Variants in RBFOX2 observed in about 807,000 individuals in gnomAD.
RBFOX2 encodes RNA binding protein fox-1 homolog 2.
In RBFOX2, 10 loss-of-function variants were observed where a neutral mutation model predicts 49.1. That is an observed-to-expected ratio of 0.20 (90% CI 0.13 to 0.35). The LOEUF (loss-of-function observed/expected upper bound fraction) is 0.35. RBFOX2 is among the 10% of genes least tolerant of loss of function. RBFOX2 has a pLI of 1.00. For missense variants in RBFOX2, 323 were observed against 486.9 expected (o/e 0.66, Z 3.17); for synonymous variants, 183 against 187.4 (o/e 0.98, Z 0.19).
intron 1 of RBFOX2, among the ~76,000 whole-genome samples, chr22:35,882,951 G>T (rs1012054582): frequency 6.6e-6 from 1 of 152,112 alleles, no homozygotes; most frequent in Non-Finnish European, 1.5e-5. Flanking sequence ...TCACTAAATG[G>T]CATAACTTTT....
rs572117154 is a variant in RBFOX2, at chr22:35,975,640, TG to T, written c.187-36744del. ...GGGAGTCAGTATTTTCAAAGCTAAT[TG>T]TAACAAGCAAAATTCAGATCTATGA... On this transcript the variant is annotated intron_variant, in intron 1 of 13. Transcript: ENST00000438146. Among the ~76,000 whole-genome samples, 175 of 152,268 alleles carry T rather than the reference TG, an allele frequency of 1.1e-3. 1 individual carries two copies. Among genetic ancestry groups the T allele is most frequent in the African/African-American group, 3.9e-3 (163 of 41,562 alleles).
At chr22:35,757,115 C>CTGGG (rs1220739400) in intron 9 of RBFOX2, among the ~76,000 whole-genome samples, 6 of 151,686 alleles carry the variant, frequency 4.0e-5, no homozygotes, top group Non-Finnish European at 8.8e-5. Flanking sequence ...CAAAGATCAC[C>CTGGG]CTGTCTTATT....
At chr22:35,746,584 C>A in intron 9 of RBFOX2, 23 bp from the exon 12 acceptor site, 1 of 1,463,440 alleles carries the variant, frequency 6.8e-7, no homozygotes, top group East Asian at 2.4e-5. Context: ...AGAGAACTGA[C>A]TTTACAGATA....
rs577677705 is a variant in RBFOX2, at chr22:35,938,035, G to GT, written c.-34+811dup. On this transcript the variant is annotated intron_variant, in intron 1 of 13. Coordinates refer to the RBFOX2 transcript ENST00000359369. Reference sequence around the variant, plus strand: ...AATGGTAGCTTTTTTTGACAACCCTGTAAGGAATAATGGCATTCCAAGATA... The same window carrying GT: ...AATGGTAGCTTTTTTTGACAACCCTGTTAAGGAATAATGGCATTCCAAGATA... Among the ~76,000 whole-genome samples the GT allele has an allele frequency of 2.6e-3, 396 of 152,242 alleles. 4 individuals carry two copies. Among genetic ancestry groups the GT allele is most frequent in the African/African-American group, 9.3e-3 (387 of 41,546 alleles).
At chr22:35,837,398 C>A (rs1350022675) in intron 1 of RBFOX2, among the ~76,000 whole-genome samples, 3 of 152,076 alleles carry the variant, frequency 2.0e-5, no homozygotes, top group African/African-American at 7.2e-5. Flanking sequence ...ACTTTGAAAA[C>A]CCAGGCCTAA....
At chr22:35,766,103 T>C (rs548211433) in intron 5 of RBFOX2, among the ~76,000 whole-genome samples, 24 of 152,346 alleles carry the variant, frequency 1.6e-4, no homozygotes, top group South Asian at 4.1e-4. Context: ...CTTAAAAGAA[T>C]TGAGAAAATA....
chr22:35,849,312 C>A (rs977944286), intron 1 of RBFOX2, among the ~76,000 whole-genome samples: 2 of 151,358 alleles, frequency 1.3e-5, no homozygotes, highest in East Asian at 3.9e-4. Context: ...CACACACACA[C>A]ACACACACAC....
chr22:35,843,987 C>T (rs1226912261), upstream of RBFOX2, among the ~76,000 whole-genome samples: 1 of 152,190 alleles, frequency 6.6e-6, no homozygotes, highest in African/African-American at 2.4e-5. Context: ...CTGACGGCTC[C>T]CACATTTCTA....
At chr22:35,832,984 C>G (rs1957066385) in intron 1 of RBFOX2, among the ~76,000 whole-genome samples, 1 of 152,122 alleles carries the variant, frequency 6.6e-6, no homozygotes, top group Non-Finnish European at 1.5e-5. Context: ...TATTTGAGGT[C>G]ATGGGTATCC....
At chr22:35,775,897 C>T (rs1176350690) in intron 4 of RBFOX2, among the ~76,000 whole-genome samples, 1 of 146,054 alleles carries the variant, frequency 6.8e-6, no homozygotes, top group Non-Finnish European at 1.5e-5. Flanking sequence ...TGGTAGCAGG[C>T]AAATCCTTAA....
At chr22:35,995,785 T>C in intron 1 of RBFOX2, 1 of 153,164 alleles carries the variant, frequency 6.5e-6, no homozygotes. Flanking sequence ...ATCTCTTTTC[T>C]TCATAAATTA....
intron 1 of RBFOX2, among the ~76,000 whole-genome samples, chr22:35,955,651 A>G (rs1390598615): frequency 2.6e-5 from 4 of 152,028 alleles, no homozygotes; most frequent in Non-Finnish European, 5.9e-5. Flanking sequence ...CGCAGTTCAC[A>G]GTAGGGTATG....
At chr22:36,026,539 CAT>C (rs1163792245) in intron 1 of RBFOX2, among the ~76,000 whole-genome samples, 41 of 135,916 alleles carry the variant, frequency 3.0e-4, no homozygotes, top group Admixed American at 1.2e-3. Context: ...TAAATGAATA[CAT>C]ACACACACAC....
Position 35,778,046 on chromosome 22 carries a change from G to T in RBFOX2, c.432C>A (p.Ile144=), listed in dbSNP as rs186235997. The change falls in exon 4 of 12, where the codon ATC becomes ATA. Residue 144 remains isoleucine, a synonymous_variant. Transcript: ENST00000405409. ...TTACCTTAGAGCCACGTTCATTAAA[G>T]ATTATTTCTACATCTAGGATTTTGC... 132 of 1,613,328 alleles carry T rather than the reference G, an allele frequency of 8.2e-5. No homozygotes were observed. The highest frequency in any genetic ancestry group is 6.6e-4 in the Middle Eastern group (4 of 6,056).
chr22:35,912,193 T>C (rs574537568), intron 1 of RBFOX2, among the ~76,000 whole-genome samples: 7 of 152,300 alleles, frequency 4.6e-5, no homozygotes, highest in Admixed American at 1.3e-4. Context: ...ACTTCTCTTA[T>C]ATGAATCTCT....
intron 4 of RBFOX2, among the ~76,000 whole-genome samples, chr22:35,768,948 A>G (rs1941870709): frequency 1.3e-5 from 2 of 152,082 alleles, no homozygotes; most frequent in African/African-American, 2.4e-5. Context: ...TCGGTGTACA[A>G]TTTTCTATGT....
upstream of RBFOX2, among the ~76,000 whole-genome samples, chr22:35,845,038 A>C (rs1267889878): frequency 6.6e-6 from 1 of 152,152 alleles, no homozygotes; most frequent in Admixed American, 6.5e-5. Flanking sequence ...AGTGGATCTA[A>C]GAGTCCCTGT....
chr22:36,014,954 T>A lies in RBFOX2; in HGVS notation c.186+13286A>T, dbSNP rs548906346. 9.3e-4 allele frequency among the ~76,000 whole-genome samples: 141 copies of A among 152,268 alleles called. 1 individual carries two copies. The highest frequency in any genetic ancestry group is 2.1e-3 in the African/African-American group (86 of 41,554). On this transcript the variant is annotated intron_variant, in intron 1 of 13. Coordinates refer to the RBFOX2 transcript ENST00000438146. ...TCCAACACTGTAAAACACAGCCAGCTCAGAGCTAAAATGCTGCTGCAAAAA... is the reference window on the plus strand; with the variant it reads ...TCCAACACTGTAAAACACAGCCAGCACAGAGCTAAAATGCTGCTGCAAAAA...
intron 9 of RBFOX2, 42 bp from the exon 12 acceptor site, chr22:35,746,603 C>A (rs1932843783): frequency 7.6e-7 from 1 of 1,317,924 alleles, no homozygotes; most frequent in Non-Finnish European, 1.0e-6. Context: ...TACCTCTCCC[C>A]CCAGGTGTAC....
Sources: allele counts gnomAD v4.1 joint callset (sites outside exome capture counted in the v4.1 genomes callset), GRCh38; gene constraint gnomAD v4.1.1; transcripts MANE v1.5; gene names NCBI Gene and HGNC (gene_info 2026-07-23, HGNC 2026-07-21).